The following CYP46A1 variants were observed in gnomAD, a reference collection of about 807,000 sequenced individuals.
The protein encoded by CYP46A1 is cholesterol 24-hydroxylase.
CYP46A1 carries 20 observed loss-of-function variants against 63.3 expected under a neutral mutation model. The observed-to-expected ratio is 0.32, with a 90% CI of 0.22 to 0.46. The LOEUF is 0.46. Among genes scored for constraint, CYP46A1 ranks in the 20% least tolerant of loss-of-function variants. The pLI is 1.00. For synonymous variants in CYP46A1, 268 were observed against 273.6 expected (o/e 0.98, Z 0.20); for missense variants, 445 against 670.8 (o/e 0.66, Z 3.72).
intron 9 of CYP46A1, 55 bp downstream of exon 9, chr14:99,716,254 C>G: frequency 6.3e-7 from 1 of 1,575,834 alleles, no homozygotes; most frequent in Non-Finnish European, 8.7e-7. Context: ...ATGCTGTGGA[C>G]CATGGATCCC....
At chr14:99,705,264 A>G (rs1461901561) in intron 5 of CYP46A1, among the ~76,000 whole-genome samples, 1 of 152,112 alleles carries the variant, frequency 6.6e-6, no homozygotes, top group Non-Finnish European at 1.5e-5. Context: ...CTGGAGTGCA[A>G]TGGTGTGACC....
At chr14:99,686,461 AC>A (rs1374953522) in intron 1 of CYP46A1, among the ~76,000 whole-genome samples, 2 of 152,114 alleles carry the variant, frequency 1.3e-5, no homozygotes, top group Non-Finnish European at 2.9e-5. Flanking sequence ...CTGTTTTGTC[AC>A]CCCAGAAAGA....
intron 3 of CYP46A1, chr14:99,695,395 C>A (rs776481117): frequency 7.4e-6 from 3 of 403,988 alleles, no homozygotes; most frequent in East Asian, 8.5e-5. Flanking sequence ...AATGTTGAAC[C>A]CTTCATAATC....
chr14:99,704,381 C>CT (rs1239478087), intron 5 of CYP46A1, among the ~76,000 whole-genome samples: 3 of 152,144 alleles, frequency 2.0e-5, no homozygotes, highest in Non-Finnish European at 4.4e-5. Flanking sequence ...ATTATTGAGC[C>CT]TTGGTGAATC....
intron 3 of CYP46A1, among the ~76,000 whole-genome samples, chr14:99,696,591 G>C (rs1267639856): frequency 6.6e-6 from 1 of 152,042 alleles, no homozygotes; most frequent in African/African-American, 2.4e-5. Context: ...ATCTGCCTTG[G>C]TATACTTTAT....
At chr14:99,714,668 G>A (rs2056770790) in intron 7 of CYP46A1, among the ~76,000 whole-genome samples, 1 of 151,126 alleles carries the variant, frequency 6.6e-6, no homozygotes, top group Admixed American at 6.6e-5. Flanking sequence ...GCTGAAGCAG[G>A]AGAATCACCT....
chr14:99,699,652 G>C, intron 4 of CYP46A1, 113 bp downstream of exon 4: 2 of 1,154,704 alleles, frequency 1.7e-6, no homozygotes, highest in East Asian at 4.7e-5. Context: ...GGCCCTGGCT[G>C]CCAGGCATGT....
At chr14:99,715,743 G>C in intron 7 of CYP46A1, 67 bp from the exon 8 acceptor site, 1 of 1,603,602 alleles carries the variant, frequency 6.2e-7, no homozygotes, top group African/African-American at 1.3e-5. Context: ...ATTTCGGGGT[G>C]GTGGGGGAGA....
Position 99,700,118 on chromosome 14 carries a change from G to A in CYP46A1, c.443+17G>A. On this transcript the variant is annotated intron_variant, in intron 5 of 14. Transcript: ENST00000261835. ...CAGCCGGAGGTGAGTGTGGCCGGAG[G>A]CTCCGTGGCTCCTGCCTGGCCAGAG... 1 of 1,577,528 alleles carries A rather than the reference G, an allele frequency of 6.3e-7. No homozygotes were observed.
intron 3 of CYP46A1, among the ~76,000 whole-genome samples, chr14:99,697,671 C>T (rs1362033299): frequency 1.3e-5 from 2 of 152,188 alleles, no homozygotes; most frequent in Non-Finnish European, 2.9e-5. Flanking sequence ...AGCAGTTTCT[C>T]CTTCCCGGGT....
chr14:99,703,867 G>T lies in CYP46A1; in HGVS notation c.444-2780G>T, dbSNP rs1595192372. 8 of 985,258 alleles carry T rather than the reference G, an allele frequency of 8.1e-6. No individual in the cohort carries two copies. The South Asian group carries it at 3.3e-4, about 41-fold the overall frequency. The allele number at this position is 985,258 out of a possible 1,614,324, so 61.0% of individuals were successfully genotyped here. ...GAATTGGAATAGTCTCAGTCTTACT[G>T]GAAAGTTGTCAGAAGTGAAAATGGG... On this transcript the variant is annotated intron_variant, in intron 5 of 14. Coordinates refer to ENST00000261835, the MANE Select transcript of CYP46A1 (RefSeq NM_006668.2).
intron 5 of CYP46A1, among the ~76,000 whole-genome samples, chr14:99,700,524 G>A (rs558456260): frequency 4.6e-5 from 7 of 152,194 alleles, no homozygotes; most frequent in Non-Finnish European, 7.3e-5. Flanking sequence ...CAGTGGTCCC[G>A]TAAGATTATA....
rs147831141 is a variant in CYP46A1, at chr14:99,727,201, C to T, written c.*474C>T. On this transcript the variant is annotated 3_prime_UTR_variant, in exon 15 of 15. Coordinates refer to ENST00000261835, the MANE Select transcript of CYP46A1 (RefSeq NM_006668.2). ...ACCAATTGCCCTGCCAGGCTGTCAG[C>T]GCCTCAAGGGTAGGGTCTGCGTGTG... 1.1e-4 allele frequency: 17 copies of T among 158,502 alleles called. No homozygotes were observed. Among genetic ancestry groups the T allele is most frequent in the Non-Finnish European group, 2.1e-4 (15 of 72,196 alleles). The allele number at this position is 158,502 out of a possible 1,614,324, so 9.8% of individuals were successfully genotyped here. A position where few individuals can be genotyped will look rare whatever the true frequency, so the allele number is the denominator to read the frequency against.
chr14:99,695,743 G>T (rs1029659301), intron 3 of CYP46A1, among the ~76,000 whole-genome samples: 1 of 151,754 alleles, frequency 6.6e-6, no homozygotes, highest in Non-Finnish European at 1.5e-5. Flanking sequence ...TGATTCTCCT[G>T]CCTCAGCCTC....
chr14:99,690,797 A>G (rs548379271), intron 1 of CYP46A1, among the ~76,000 whole-genome samples: 2 of 152,208 alleles, frequency 1.3e-5, no homozygotes, highest in East Asian at 3.9e-4. Context: ...GGGTGATCCC[A>G]CACAATATTA....
Position 99,715,956 on chromosome 14 carries a change from G to T in CYP46A1, c.840G>T (p.Leu280=), listed in dbSNP as rs201085949. 9.5e-6 allele frequency: 13 copies of T among 1,366,588 alleles called. No homozygotes were observed. In the Admixed American group the frequency reaches 1.3e-4, roughly 14 times the overall value. The allele number at this position is 1,366,588 out of a possible 1,614,324, so 84.7% of individuals were successfully genotyped here. A position where few individuals can be genotyped will look rare whatever the true frequency, so the allele number is the denominator to read the frequency against. ...EVPADILTQI[L]KAEEGAQDDE... ...CTGCCGACATCCTCACACAGATTCT[G>T]AAAGGTGCAAGGGCCCCCTCTGCGG... Residue 280 remains leucine (L), a synonymous_variant, in exon 8 of 15, where the codon CTG becomes CTT. Transcript: ENST00000261835.
rs576926969 is a variant in CYP46A1 at position 99,719,972 on chromosome 14, C to T, written c.981-1267C>T. The stretch of plus-strand genomic sequence containing the variant: ...TAGAGACGGGGCTTCACGGGTTAGC[C>T]AGGATGGTCTTGATCTCCTGACCTC... On this transcript the variant is annotated intron_variant, in intron 10 of 14. Transcript: ENST00000261835. Among the ~76,000 whole-genome samples, 24 of 151,916 alleles carry T rather than the reference C, an allele frequency of 1.6e-4. 2 individuals are homozygous for T. Among genetic ancestry groups the T allele is most frequent in the East Asian group, 1.2e-3 (6 of 5,118 alleles).
chr14:99,696,894 T>C (rs1351687768), intron 3 of CYP46A1, among the ~76,000 whole-genome samples: 1 of 152,244 alleles, frequency 6.6e-6, no homozygotes, highest in East Asian at 1.9e-4. Flanking sequence ...GCAGATCAGT[T>C]TGATCCTTTC....
intron 5 of CYP46A1, chr14:99,703,770 C>T (rs1312366024): frequency 1.7e-5 from 16 of 953,622 alleles, no homozygotes; most frequent in Non-Finnish European, 1.9e-5. Flanking sequence ...CTGAGTCCTG[C>T]GCCCAGCACC....
Sources: gnomAD v4.1 joint callset for allele counts (sites outside exome capture counted in the v4.1 genomes callset) on GRCh38, gnomAD v4.1.1 for gene constraint, MANE v1.5 for transcripts, NCBI Gene and HGNC (gene_info 2026-07-23, HGNC 2026-07-21) for gene names.